The following UBR1 variants were observed in gnomAD, a reference collection of about 807,000 sequenced individuals.
UBR1 encodes the protein ubiquitin protein ligase E3 component n-recognin 1, also known as E3 ubiquitin-protein ligase UBR1.
A neutral mutation model predicts 242.1 loss-of-function variants in UBR1; 102 were observed. The observed-to-expected ratio is 0.42, with a 90% CI of 0.36 to 0.50. UBR1 has a LOEUF of 0.50. Among genes scored for constraint, UBR1 ranks in the 20% least tolerant of loss-of-function variants. The pLI, the probability that UBR1 is intolerant of heterozygous loss-of-function variation, is 0.01. For missense variants in UBR1, 1,772 were observed against 2,101.8 expected (o/e 0.84, Z 3.07); for synonymous variants, 675 against 684.8 (o/e 0.99, Z 0.22).
At chr15:43,067,690 T>G (rs1284649655) in intron 6 of UBR1, among the ~76,000 whole-genome samples, 1 of 152,168 alleles carries the variant, frequency 6.6e-6, no homozygotes, top group Non-Finnish European at 1.5e-5. Context: ...TTTCTAATTA[T>G]TTAAAATAAA....
Position 43,048,442 on chromosome 15 carries a change from G to T in UBR1, c.1489C>A (p.Gln497Lys). 1 of 1,613,746 alleles carries T rather than the reference G, an allele frequency of 6.2e-7. No homozygotes were observed. ...AAAGATCGAAAACCTTCAAGGAACT[G>T]CATTCTTAATCTTTCTGTCCATATT... Reference protein sequence around the residue: ...PTIWTERLRMQFLEGFRSFLK... With the variant: ...PTIWTERLRMKFLEGFRSFLK... The change falls in exon 13 of 47, where the codon CAG (glutamine) becomes AAG (lysine). Residue 497 changes from glutamine (Q) to lysine (K), a missense_variant. Physicochemically the swap from Gln to Lys is moderately conservative, Grantham distance 53. Transcript: ENST00000290650.
chr15:43,026,139 G>A (rs917225244), intron 23 of UBR1: 1 of 186,014 alleles, frequency 5.4e-6, no homozygotes, highest in Non-Finnish European at 1.1e-5. Context: ...TGCTGGGGCA[G>A]GAGAATCACT....
At chr15:42,960,500 T>A in intron 43 of UBR1, 145 bp downstream of exon 43, 1 of 831,180 alleles carries the variant, frequency 1.2e-6, no homozygotes, top group South Asian at 1.6e-5. Flanking sequence ...AAGAATCTGA[T>A]TTCTGGCAAA....
chr15:43,084,388 A>C (rs2034008344), intron 2 of UBR1, among the ~76,000 whole-genome samples: 2 of 152,228 alleles, frequency 1.3e-5, no homozygotes, highest in Admixed American at 1.3e-4. Flanking sequence ...GCTTTAGCTA[A>C]AAATATGTAA....
At chr15:42,997,562 A>T (rs1482618207) in intron 33 of UBR1, among the ~76,000 whole-genome samples, 1 of 152,188 alleles carries the variant, frequency 6.6e-6, no homozygotes, top group Non-Finnish European at 1.5e-5. Context: ...TTTTAAGCAC[A>T]TCTCCATTAA....
intron 40 of UBR1, 32 bp downstream of exon 40, chr15:42,970,488 A>G: frequency 6.3e-7 from 1 of 1,585,670 alleles, no homozygotes; most frequent in Non-Finnish European, 8.6e-7. Context: ...TGGAATTATT[A>G]CAATAGACTG....
chr15:43,002,479 C>T, intron 32 of UBR1, 76 bp downstream of exon 32: 2 of 1,529,644 alleles, frequency 1.3e-6, no homozygotes, highest in Middle Eastern at 1.8e-4. Context: ...TCTCAGTCTC[C>T]CAAAGTGCTG....
chr15:43,064,662 C>T (rs1181254532), intron 6 of UBR1, among the ~76,000 whole-genome samples: 4 of 151,824 alleles, frequency 2.6e-5, no homozygotes, highest in African/African-American at 4.8e-5. Flanking sequence ...CTGCAACCTC[C>T]ACCTCCCAGG....
rs1200377569 is a variant in UBR1, at chr15:43,015,751, T to A, written c.3146A>T (p.Lys1049Ile). ...ALQKNFIETH[K>I]LMYDNTSEMP... ...TTCTGATGTATTGTCATACATGAGT[T>A]TATGAGTTTCAATGAAGTTTTTCTG... Residue 1049 changes from lysine (K) to isoleucine (I), a missense_variant, in exon 29 of 47, where the codon AAA (lysine) becomes ATA (isoleucine). By Grantham distance (102) the Lys-to-Ile change is moderately radical. Coordinates refer to ENST00000290650, the MANE Select transcript of UBR1 (RefSeq NM_174916.3). 2 of 1,614,212 alleles carry A rather than the reference T, an allele frequency of 1.2e-6. No homozygotes were observed. The highest frequency in any genetic ancestry group is 2.2e-5 in the East Asian group (1 of 44,882).
rs954888979 is a variant in UBR1, at chr15:43,095,481, C to T, written c.82-9241G>A. 5.4e-5 allele frequency among the ~76,000 whole-genome samples: 8 copies of T among 149,436 alleles called. 1 individual carries two copies. Among genetic ancestry groups the T allele is most frequent in the Non-Finnish European group, 1.0e-4 (7 of 67,736 alleles). On this transcript the variant is annotated intron_variant, in intron 1 of 46. Transcript: ENST00000290650. ...AACTCTACTGGAGTCTTATCAGTAA[C>T]GTTTACTTACCACAGCATATTTCCA...
chr15:42,989,949 G>A (rs752938225), intron 34 of UBR1, 81 bp downstream of exon 34: 7 of 978,930 alleles, frequency 7.2e-6, no homozygotes, highest in Non-Finnish European at 1.1e-5. Flanking sequence ...AAAAAAGTAA[G>A]GAAAGATGGA....
At chr15:43,098,267 C>A (rs2034183894) in intron 1 of UBR1, among the ~76,000 whole-genome samples, 1 of 152,010 alleles carries the variant, frequency 6.6e-6, no homozygotes, top group Non-Finnish European at 1.5e-5. Context: ...AAAACAATTA[C>A]AATAGTAACA....
At chr15:42,968,132 C>G (rs1351950056) in intron 40 of UBR1, among the ~76,000 whole-genome samples, 2 of 151,924 alleles carry the variant, frequency 1.3e-5, no homozygotes, top group African/African-American at 4.8e-5. Context: ...AAAGGACAAC[C>G]TATTTTCTAT....
chr15:42,981,657 T>C (rs2032380748), intron 37 of UBR1, among the ~76,000 whole-genome samples: 1 of 151,910 alleles, frequency 6.6e-6, no homozygotes, highest in African/African-American at 2.4e-5. Context: ...GCCTGGCTAA[T>C]TTTTTGTATT....
At chr15:43,067,034 A>G (rs1432470431) in intron 6 of UBR1, among the ~76,000 whole-genome samples, 4 of 152,220 alleles carry the variant, frequency 2.6e-5, no homozygotes, top group African/African-American at 9.6e-5. Flanking sequence ...GTGTGCCAAG[A>G]TATTGATCCT....
chr15:43,065,486 C>T (rs571252431), intron 6 of UBR1, among the ~76,000 whole-genome samples: 1 of 152,130 alleles, frequency 6.6e-6, no homozygotes, highest in Non-Finnish European at 1.5e-5. Flanking sequence ...GATCCATTAG[C>T]GATTCTTCCT....
chr15:43,006,059 C>T (rs1469623214), intron 30 of UBR1, among the ~76,000 whole-genome samples: 6 of 138,448 alleles, frequency 4.3e-5, no homozygotes, highest in East Asian at 4.1e-4. Flanking sequence ...ATCCCCCTCT[C>T]GGAGAAACAC....
At chr15:43,071,554 T>A (rs936076056) in intron 4 of UBR1, among the ~76,000 whole-genome samples, 1 of 151,852 alleles carries the variant, frequency 6.6e-6, no homozygotes, top group Non-Finnish European at 1.5e-5. Flanking sequence ...TACTTAATAC[T>A]ACTGAACGCT....
At chr15:43,095,904 A>G (rs56881582) in intron 1 of UBR1, among the ~76,000 whole-genome samples, 1,887 of 152,366 alleles carry the variant, frequency 0.012, 40 homozygotes, top group African/African-American at 0.041. Context: ...CTACCACAAT[A>G]GAGTGAACAT....
Sources: gnomAD v4.1 joint callset for allele counts (sites outside exome capture counted in the v4.1 genomes callset) on GRCh38, gnomAD v4.1.1 for gene constraint, MANE v1.5 for transcripts, NCBI Gene and HGNC (gene_info 2026-07-23, HGNC 2026-07-21) for gene names.